FAM20A: variants seen among roughly 807,000 people sequenced by gnomAD.
FAM20A encodes the protein pseudokinase FAM20A.
A neutral mutation model predicts 52.0 loss-of-function variants in FAM20A; 42 were observed. The ratio of observed to expected loss-of-function variants is 0.81; its 90% CI spans 0.63 to 1.04. The LOEUF (loss-of-function observed/expected upper bound fraction) is 1.04. Among genes scored for constraint, FAM20A ranks in the 50% least tolerant of loss-of-function variants. The pLI, the probability that FAM20A is intolerant of heterozygous loss-of-function variation, is 0.00. For synonymous variants in FAM20A, 304 were observed against 298.9 expected (o/e 1.02, Z -0.18); for missense variants, 742 against 712.7 (o/e 1.04, Z -0.47).
chr17:68,591,768 CCCG>C (rs748092807), intron 1 of FAM20A: 20 of 152,244 alleles, frequency 1.3e-4, no homozygotes, highest in Non-Finnish European at 2.8e-4. Context: ...GGAAGGTCAC[CCCG>C]TTTGCGTGGG....
At chr17:68,572,927 C>T (rs532618672) in intron 1 of FAM20A, among the ~76,000 whole-genome samples, 3 of 152,174 alleles carry the variant, frequency 2.0e-5, no homozygotes, top group African/African-American at 7.2e-5. Context: ...GTGAGTGGGC[C>T]GGAGCTGCAG....
chr17:68,595,586 G>T (rs896664567), intron 1 of FAM20A, among the ~76,000 whole-genome samples: 1 of 152,172 alleles, frequency 6.6e-6, no homozygotes, highest in East Asian at 1.9e-4. Flanking sequence ...AACCACACAC[G>T]GGCCGTGGTT....
At chr17:68,554,966 G>A (rs2087012840) in intron 2 of FAM20A, 139 bp from the exon 3 acceptor site, 1 of 842,542 alleles carries the variant, frequency 1.2e-6, no homozygotes. Flanking sequence ...CACTCCGTGG[G>A]AGGTCTCTTG....
chr17:68,539,456 C>T, intron 9 of FAM20A, 60 bp from the exon 10 acceptor site: 1 of 1,447,708 alleles, frequency 6.9e-7, no homozygotes, highest in Non-Finnish European at 9.7e-7. Context: ...TCCCCTGAGG[C>T]TTCCTCTCTC....
At chr17:68,589,697 GAA>G (rs1157322826) in intron 1 of FAM20A, among the ~76,000 whole-genome samples, 1 of 152,146 alleles carries the variant, frequency 6.6e-6, no homozygotes, top group African/African-American at 2.4e-5. Flanking sequence ...CTTTTCAAAA[GAA>G]ATATTATACA....
intron 1 of FAM20A, among the ~76,000 whole-genome samples, chr17:68,594,445 A>T (rs2088398857): frequency 6.6e-6 from 1 of 152,068 alleles, no homozygotes; most frequent in Admixed American, 6.5e-5. Flanking sequence ...CTATTGCTGT[A>T]TAACAGAGTA....
chr17:68,553,809 T>C (rs1184528293), intron 3 of FAM20A, among the ~76,000 whole-genome samples: 1 of 149,838 alleles, frequency 6.7e-6, no homozygotes, highest in African/African-American at 2.4e-5. Context: ...TATATACATA[T>C]ATACACACAT....
rs1355519151 is a variant in FAM20A, at chr17:68,601,176, G to C, written c.-510C>G. The C allele has an allele frequency of 6.5e-6, 1 of 152,772 alleles. No individual in the cohort carries two copies. The highest frequency in any genetic ancestry group is 1.5e-5 in the Non-Finnish European group (1 of 68,588). 9.5% of individuals were successfully genotyped at this position (152,772 alleles called of 1,614,324 possible). ...GACTCCTCCTGCGGGCGGCGGAGAC[G>C]CCAGTGCCGGCGGCTGGCACGGGCG... On this transcript the variant is annotated 5_prime_UTR_variant, in exon 1 of 11. Transcript: ENST00000592554.
At chr17:68,548,895 G>A (rs1350803722) in intron 4 of FAM20A, among the ~76,000 whole-genome samples, 1 of 151,574 alleles carries the variant, frequency 6.6e-6, no homozygotes, top group Non-Finnish European at 1.5e-5. Flanking sequence ...ACCACGCCCG[G>A]CTAATTTTTT....
At chr17:68,593,571 GGGA>G (rs2088369116) in intron 1 of FAM20A, among the ~76,000 whole-genome samples, 1 of 152,202 alleles carries the variant, frequency 6.6e-6, no homozygotes, top group African/African-American at 2.4e-5. Flanking sequence ...GACTTCTACA[GGGA>G]GGAGTAGACA....
chr17:68,543,408 A>G (rs1266418151), intron 5 of FAM20A, among the ~76,000 whole-genome samples: 1 of 152,146 alleles, frequency 6.6e-6, no homozygotes, highest in Non-Finnish European at 1.5e-5. Context: ...TTCTTTGTAA[A>G]TTGTTCTTTT....
At chr17:68,561,469 T>C (rs2087209610) in intron 1 of FAM20A, among the ~76,000 whole-genome samples, 2 of 152,244 alleles carry the variant, frequency 1.3e-5, no homozygotes, top group African/African-American at 4.8e-5. Context: ...TATTTGGGTC[T>C]ATTTCTGGAA....
At position 68,600,121 on chromosome 17, in the gene FAM20A, ACT is replaced by A; in HGVS notation, c.404+140_404+141del. On this transcript the variant is annotated intron_variant, in intron 1 of 10. Coordinates refer to ENST00000592554, the MANE Select transcript of FAM20A (RefSeq NM_017565.4). This position sits in a 1 kb window ranked among gnomAD's most constrained non-coding sequence, Gnocchi z 6.2. Reference sequence around the variant, plus strand: ...CTGGTGGGGTTCGGGTGGGGAACACACTCTAAGCCCAGCGCCAGGGCTGGAGC... The same window carrying A: ...CTGGTGGGGTTCGGGTGGGGAACACACTAAGCCCAGCGCCAGGGCTGGAGC... 1 of 978,470 alleles carries A rather than the reference ACT, an allele frequency of 1.0e-6. No individual in the cohort carries two copies. Among genetic ancestry groups the A allele is most frequent in the Non-Finnish European group, 1.5e-6 (1 of 680,928 alleles). The allele number at this position is 978,470 out of a possible 1,614,324, so 60.6% of individuals were successfully genotyped here.
chr17:68,543,959 A>G (rs1176056692), intron 4 of FAM20A, among the ~76,000 whole-genome samples: 1 of 152,130 alleles, frequency 6.6e-6, no homozygotes, highest in Non-Finnish European at 1.5e-5. Flanking sequence ...CACCAATACC[A>G]AGTTTCCTGC....
At position 68,536,528 on chromosome 17, in the gene FAM20A, G is replaced by C. The variant is rs751384144; in HGVS notation, c.*949C>G. ...TGACTTAGTCTTTTTTGAGCCAGCC[G>C]TCACAGGGAGGGGCATCTAGAGGGC... On this transcript the variant is annotated 3_prime_UTR_variant, in exon 11 of 11. Transcript: ENST00000592554. 3.3e-5 allele frequency: 15 copies of C among 454,074 alleles called. No individual in the cohort carries two copies. The highest frequency in any genetic ancestry group is 2.3e-4 in the South Asian group (15 of 64,472). 28.1% of individuals were successfully genotyped at this position (454,074 alleles called of 1,614,324 possible). A position where few individuals can be genotyped will look rare whatever the true frequency, so the allele number is the denominator to read the frequency against.
chr17:68,600,859 G>C lies in FAM20A; in HGVS notation c.-193C>G. 1.8e-6 allele frequency: 1 copy of C among 559,508 alleles called. No homozygotes were observed. Among genetic ancestry groups the C allele is most frequent in the Non-Finnish European group, 3.0e-6 (1 of 328,860 alleles). 34.7% of individuals were successfully genotyped at this position (559,508 alleles called of 1,614,324 possible). On this transcript the variant is annotated 5_prime_UTR_variant, in exon 1 of 11. Transcript: ENST00000592554. This position sits in a 1 kb window ranked among gnomAD's most constrained non-coding sequence, Gnocchi z 6.2. ...TCCTCAACTTGGGGACCAGGTGCAC[G>C]GAGCACCGGGGCTCTCGGAGTCAGC...
chr17:68,573,710 C>G (rs991821915), intron 1 of FAM20A, among the ~76,000 whole-genome samples: 10 of 150,082 alleles, frequency 6.7e-5, no homozygotes, highest in Non-Finnish European at 1.3e-4. Context: ...CAGAGTTAAG[C>G]TCTTGTCGCC....
intron 7 of FAM20A, 109 bp downstream of exon 7, chr17:68,541,876 G>A: frequency 1.5e-6 from 2 of 1,309,440 alleles, no homozygotes; most frequent in Non-Finnish European, 2.1e-6. Context: ...GGGCAAAGGA[G>A]TATTGAGGCA....
intron 1 of FAM20A, among the ~76,000 whole-genome samples, chr17:68,563,550 TC>T (rs1165137101): frequency 6.6e-6 from 1 of 151,214 alleles, no homozygotes. Flanking sequence ...TGAAATTTGT[TC>T]CCCATGTCCG....
Sources: allele counts gnomAD v4.1 joint callset (sites outside exome capture counted in the v4.1 genomes callset), GRCh38; gene constraint gnomAD v4.1.1; non-coding constraint Gnocchi (gnomAD v3.1); transcripts MANE v1.5; gene names NCBI Gene and HGNC (gene_info 2026-07-23, HGNC 2026-07-21).